The following KDM2B variants were observed in gnomAD, a reference collection of about 807,000 sequenced individuals.
The protein encoded by KDM2B is lysine demethylase 2B.
KDM2B carries 26 observed loss-of-function variants against 150.0 expected under a neutral mutation model. The ratio of observed to expected loss-of-function variants is 0.17; its 90% CI spans 0.13 to 0.24. The LOEUF is 0.24. Ranked by LOEUF, KDM2B falls within the 10% of genes least tolerant of loss-of-function variation. The pLI, the probability that KDM2B is intolerant of heterozygous loss-of-function variation, is 1.00. For missense variants in KDM2B, 1,265 were observed against 1,816.9 expected (o/e 0.70, Z 5.52); for synonymous variants, 734 against 729.5 (o/e 1.01, Z -0.10).
intron 22 of KDM2B, chr12:121,433,276 T>C (rs2137527453): frequency 2.3e-6 from 1 of 444,012 alleles, no homozygotes; most frequent in Non-Finnish European, 4.5e-6. Context: ...TTCTCGGACC[T>C]TCCACAGGCA....
intron 13 of KDM2B, among the ~76,000 whole-genome samples, chr12:121,450,866 A>G (rs1323025081): frequency 6.6e-6 from 1 of 152,138 alleles, no homozygotes; most frequent in Non-Finnish European, 1.5e-5. Context: ...ATCAAAAAAA[A>G]AAAAGAGGAA....
chr12:121,466,080 T>G (rs1296309300), intron 12 of KDM2B, among the ~76,000 whole-genome samples: 1 of 151,900 alleles, frequency 6.6e-6, no homozygotes, highest in Non-Finnish European at 1.5e-5. Flanking sequence ...TAATACTACG[T>G]ATAATACGAT....
At chr12:121,571,854 T>C (rs1594155992) in intron 4 of KDM2B, among the ~76,000 whole-genome samples, 1 of 151,842 alleles carries the variant, frequency 6.6e-6, no homozygotes, top group East Asian at 1.9e-4. Context: ...AGTTTCACCA[T>C]GTTGGCCAGG....
intron 12 of KDM2B, among the ~76,000 whole-genome samples, chr12:121,492,517 A>G (rs1456268254): frequency 1.3e-5 from 2 of 151,634 alleles, no homozygotes; most frequent in East Asian, 4.0e-4. Flanking sequence ...CATGTTGGCC[A>G]GGCTAGTCTC....
chr12:121,420,436 G>A, the KDM2B span: 1 of 1,551,270 alleles, frequency 6.4e-7, no homozygotes. Context: ...TGTTTCTTCT[G>A]GTTTGAATGT....
chr12:121,426,464 A>T (rs1237278346), downstream of KDM2B, among the ~76,000 whole-genome samples: 1 of 129,118 alleles, frequency 7.7e-6, no homozygotes, highest in Non-Finnish European at 1.6e-5. Flanking sequence ...TTTTTTTTTA[A>T]AGACAGAGTC....
At chr12:121,479,109 C>T (rs899718323) in intron 12 of KDM2B, among the ~76,000 whole-genome samples, 2 of 151,826 alleles carry the variant, frequency 1.3e-5, no homozygotes, top group Non-Finnish European at 2.9e-5. Flanking sequence ...CACAAGGAGG[C>T]GCTATAAATA....
intron 4 of KDM2B, among the ~76,000 whole-genome samples, chr12:121,561,567 G>T (rs1890341604): frequency 6.6e-6 from 1 of 152,100 alleles, no homozygotes; most frequent in Non-Finnish European, 1.5e-5. Flanking sequence ...CCTGGCAATT[G>T]GATGCCTCCC....
chr12:121,563,896 CA>C (rs1182231250), intron 4 of KDM2B, among the ~76,000 whole-genome samples: 10 of 146,484 alleles, frequency 6.8e-5, no homozygotes, highest in Non-Finnish European at 1.1e-4. Flanking sequence ...GACTCTGTCT[CA>C]AAAAAAAAAT....
chr12:121,440,605 C>G, intron 21 of KDM2B: 1 of 546,182 alleles, frequency 1.8e-6, no homozygotes, highest in Non-Finnish European at 3.2e-6. Flanking sequence ...CAGAGAGACG[C>G]ACGCGGAGCC....
upstream of KDM2B, among the ~76,000 whole-genome samples, chr12:121,582,101 CT>C (rs1240747742): frequency 3.3e-5 from 5 of 152,200 alleles, no homozygotes; most frequent in African/African-American, 4.8e-5. Flanking sequence ...CCGGTTCTGC[CT>C]TCAGTCCGTC....
chr12:121,425,263 G>A (rs1052201861), downstream of KDM2B, among the ~76,000 whole-genome samples: 3 of 149,856 alleles, frequency 2.0e-5, no homozygotes, highest in Admixed American at 2.0e-4. Flanking sequence ...AGCCAAGATC[G>A]TGCCATTGCA....
intron 9 of KDM2B, among the ~76,000 whole-genome samples, chr12:121,517,619 C>A (rs1886330647): frequency 6.6e-6 from 1 of 151,980 alleles, no homozygotes; most frequent in African/African-American, 2.4e-5. Context: ...CAGGCATGAA[C>A]CACCATGCCT....
chr12:121,550,690 C>T (rs918954873), intron 4 of KDM2B, among the ~76,000 whole-genome samples: 13 of 152,124 alleles, frequency 8.5e-5, no homozygotes, highest in East Asian at 7.7e-4. Context: ...GATGGGGTTT[C>T]GCCATGTTGG....
In KDM2B at chr12:121,520,867, G is replaced by C; in HGVS notation, c.1047+118C>G. 1 of 657,238 alleles carries C rather than the reference G, an allele frequency of 1.5e-6. No homozygotes were observed. Among genetic ancestry groups the C allele is most frequent in the Admixed American group, 2.3e-5 (1 of 43,724 alleles). 40.7% of individuals were successfully genotyped at this position (657,238 alleles called of 1,614,324 possible). A position where few individuals can be genotyped will look rare whatever the true frequency, so the allele number is the denominator to read the frequency against. On this transcript the variant is annotated intron_variant, in intron 9 of 22. Transcript: ENST00000377071. The surrounding 1 kb of genome is among the most constrained non-coding windows in gnomAD (Gnocchi z 4.5). ...CCAGGACTGAAGCCAGCTTGAGAGA[G>C]GAATCGGGAGGGAGAGGGGAACTGT...
Position 121,533,047 on chromosome 12 carries a change from G to A in KDM2B, c.778-88C>T, listed in dbSNP as rs1887794906. The A allele has an allele frequency of 2.9e-6, 4 of 1,378,408 alleles. No individual in the cohort carries two copies. Among genetic ancestry groups the A allele is most frequent in the Non-Finnish European group, 4.0e-6 (4 of 988,838 alleles). The allele number at this position is 1,378,408 out of a possible 1,614,324, so 85.4% of individuals were successfully genotyped here. A position where few individuals can be genotyped will look rare whatever the true frequency, so the allele number is the denominator to read the frequency against. On this transcript the variant is annotated intron_variant, in intron 7 of 22. Transcript: ENST00000377071. The surrounding 1 kb of genome is among the most constrained non-coding windows in gnomAD (Gnocchi z 4.1). The stretch of plus-strand genomic sequence containing the variant: ...CCCCACCTGCCTGGCGGAAGGGGAG[G>A]GGGCGAGACAAGCTGTGTGTGGGGT...
intron 16 of KDM2B, 98 bp downstream of exon 16, chr12:121,443,914 G>A: frequency 6.8e-7 from 1 of 1,479,350 alleles, no homozygotes; most frequent in Non-Finnish European, 9.2e-7. Flanking sequence ...ATTATCCCAA[G>A]CTCTACCTGC....
the KDM2B span, chr12:121,416,189 T>A: frequency 6.2e-7 from 1 of 1,614,170 alleles, no homozygotes; most frequent in Admixed American, 1.7e-5. Flanking sequence ...GGCTTCGTGC[T>A]GTGGGCTGCT....
chr12:121,572,648 A>G (rs781898090), intron 4 of KDM2B, among the ~76,000 whole-genome samples: 1 of 152,066 alleles, frequency 6.6e-6, no homozygotes, highest in Non-Finnish European at 1.5e-5. Context: ...CAGAAAAGAC[A>G]TTTCATTTTA....
Sources: allele counts gnomAD v4.1 joint callset (sites outside exome capture counted in the v4.1 genomes callset), GRCh38; gene constraint gnomAD v4.1.1; non-coding constraint Gnocchi (gnomAD v3.1); transcripts MANE v1.5; gene names NCBI Gene and HGNC (gene_info 2026-07-23, HGNC 2026-07-21).